Variants in NAALADL2 observed in about 807,000 individuals in gnomAD.
NAALADL2 encodes the protein inactive N-acetylated-alpha-linked acidic dipeptidase-like protein 2.
Under a neutral mutation model 87.2 loss-of-function variants are expected in NAALADL2, and 76 were observed. The observed-to-expected ratio is 0.87, with a 90% confidence interval of 0.72 to 1.05. The LOEUF (loss-of-function observed/expected upper bound fraction) is 1.05. Ranked by LOEUF, NAALADL2 falls within the 50% of genes least tolerant of loss-of-function variation. NAALADL2 has a pLI of 0.00. For synonymous variants in NAALADL2, 354 were observed against 331.0 expected, an observed-to-expected ratio of 1.07 and a Z score of -0.75; for missense variants, 1,089 against 945.8, an observed-to-expected ratio of 1.15 and a Z score of -1.99.
intron 11 of NAALADL2, among the ~76,000 whole-genome samples, chr3:175,684,693 C>T (rs1242372162): frequency 6.6e-6 from 1 of 152,020 alleles, no homozygotes; most frequent in Non-Finnish European, 1.5e-5. Context: ...GTCCCAGCTA[C>T]TCGGGAGGCT....
intron 3 of NAALADL2, among the ~76,000 whole-genome samples, chr3:175,242,931 T>C (rs952450531): frequency 1.3e-5 from 2 of 152,206 alleles, no homozygotes; most frequent in Admixed American, 1.3e-4. Context: ...AATATTAGTG[T>C]TCTGTAAGAT....
intron 10 of NAALADL2, among the ~76,000 whole-genome samples, chr3:175,614,324 G>A: frequency 6.6e-6 from 1 of 152,182 alleles, no homozygotes; most frequent in South Asian, 2.1e-4. Flanking sequence ...GTGCTGAGAT[G>A]ATAGGCGTGA....
At chr3:175,033,890 AGAGCTG>A (rs1753084883) in intron 1 of NAALADL2, among the ~76,000 whole-genome samples, 1 of 152,188 alleles carries the variant, frequency 6.6e-6, no homozygotes, top group South Asian at 2.1e-4. Flanking sequence ...ACTCATATAT[AGAGCTG>A]CCTATTTGAC....
intron 3 of NAALADL2, among the ~76,000 whole-genome samples, chr3:174,769,301 T>C (rs1210751688): frequency 6.6e-6 from 1 of 152,060 alleles, no homozygotes; most frequent in East Asian, 1.9e-4. Context: ...TATAGTTTTT[T>C]TTCTGTTTTT....
chr3:175,784,348 T>A (rs1751597372), intron 13 of NAALADL2, among the ~76,000 whole-genome samples: 1 of 152,174 alleles, frequency 6.6e-6, no homozygotes, highest in African/African-American at 2.4e-5. Context: ...TATTTTTGGT[T>A]GGTAAACTAT....
At chr3:175,320,310 G>A (rs1022721872) in intron 4 of NAALADL2, among the ~76,000 whole-genome samples, 11 of 152,166 alleles carry the variant, frequency 7.2e-5, no homozygotes, top group Admixed American at 1.3e-4. Context: ...TCATACTTAT[G>A]TATTGTGTGC....
chr3:174,559,926 A>T (rs1395581559), intron 2 of NAALADL2, among the ~76,000 whole-genome samples: 3 of 152,040 alleles, frequency 2.0e-5, no homozygotes, highest in Admixed American at 6.6e-5. Context: ...ATCAGCTCCG[A>T]CTCTACCACT....
chr3:175,060,761 C>A (rs939033516), intron 1 of NAALADL2, among the ~76,000 whole-genome samples: 1 of 152,128 alleles, frequency 6.6e-6, no homozygotes, highest in Non-Finnish European at 1.5e-5. Flanking sequence ...TAAAGAAATT[C>A]TTCATTCTGA....
At chr3:174,447,222 T>TG (rs1235683846) in intron 1 of NAALADL2, among the ~76,000 whole-genome samples, 1 of 152,110 alleles carries the variant, frequency 6.6e-6, no homozygotes, top group Non-Finnish European at 1.5e-5. Context: ...TCATCTATCT[T>TG]CTAAGAATTT....
chr3:174,558,645 C>T (rs964717849), intron 2 of NAALADL2, among the ~76,000 whole-genome samples: 6 of 151,978 alleles, frequency 3.9e-5, no homozygotes, highest in Admixed American at 6.6e-5. Flanking sequence ...GAAGCTCAGG[C>T]CATAATGCCA....
chr3:174,476,722 T>A (rs566034708), intron 1 of NAALADL2, among the ~76,000 whole-genome samples: 1 of 152,212 alleles, frequency 6.6e-6, no homozygotes, highest in South Asian at 2.1e-4. Flanking sequence ...GGATTAATTC[T>A]AATAAAGTCC....
chr3:174,832,161 T>C (rs546205321), intron 3 of NAALADL2, among the ~76,000 whole-genome samples: 13,423 of 152,146 alleles, frequency 0.088, 653 homozygotes, highest in Middle Eastern at 0.12. Context: ...CTTTTGAATG[T>C]GTTTGCTCTT....
At chr3:174,786,295 CA>C (rs1716632717) in intron 3 of NAALADL2, among the ~76,000 whole-genome samples, 1 of 151,046 alleles carries the variant, frequency 6.6e-6, no homozygotes, top group South Asian at 2.1e-4. Context: ...CTAAAAATAC[CA>C]AAAAATTAGC....
At chr3:174,943,896 G>A (rs934270731) in intron 1 of NAALADL2, among the ~76,000 whole-genome samples, 2 of 152,166 alleles carry the variant, frequency 1.3e-5, no homozygotes, top group Non-Finnish European at 1.5e-5. Flanking sequence ...GAGACTTTCA[G>A]TTGCCCCTGG....
At chr3:175,226,277 G>A (rs191374821) in intron 2 of NAALADL2, among the ~76,000 whole-genome samples, 1 of 152,154 alleles carries the variant, frequency 6.6e-6, no homozygotes, top group East Asian at 1.9e-4. Context: ...TTGTTCAGAT[G>A]GTTCCCAAAC....
intron 1 of NAALADL2, among the ~76,000 whole-genome samples, chr3:174,550,167 T>C (rs567371490): frequency 6.6e-6 from 1 of 152,242 alleles, no homozygotes; most frequent in African/African-American, 2.4e-5. Context: ...TTTCTGTGTA[T>C]ACCTTAATTT....
At chr3:175,783,365 ATCC>A (rs1474306462) in intron 13 of NAALADL2, among the ~76,000 whole-genome samples, 1 of 151,008 alleles carries the variant, frequency 6.6e-6, no homozygotes, top group African/African-American at 2.5e-5. Context: ...ATTTGTTTGT[ATCC>A]TCTTTTATTT....
intron 1 of NAALADL2, among the ~76,000 whole-genome samples, chr3:174,868,658 C>G (rs1325008293): frequency 6.6e-6 from 1 of 152,016 alleles, no homozygotes; most frequent in African/African-American, 2.4e-5. Flanking sequence ...ACTGTGAAAA[C>G]TTGATTTCTT....
intron 2 of NAALADL2, among the ~76,000 whole-genome samples, chr3:174,679,891 G>A (rs1458743230): frequency 6.6e-6 from 1 of 152,088 alleles, no homozygotes; most frequent in African/African-American, 2.4e-5. Context: ...TGTCAAAAAT[G>A]TTTTGTTGAA....
Sources: allele counts gnomAD v4.1 joint callset (sites outside exome capture counted in the v4.1 genomes callset), GRCh38; gene constraint gnomAD v4.1.1; transcripts MANE v1.5; gene names NCBI Gene and HGNC (gene_info 2026-07-23, HGNC 2026-07-21).